The following TMEM268 variants were observed in gnomAD, a reference collection of about 807,000 sequenced individuals.
TMEM268 encodes the protein transmembrane protein 268.
TMEM268 carries 24 observed loss-of-function variants against 39.1 expected under a neutral mutation model. The observed-to-expected ratio is 0.61, with a 90% CI of 0.44 to 0.86. The LOEUF is 0.86. TMEM268 is among the 40% of genes least tolerant of loss of function. The pLI is 0.00. For synonymous variants in TMEM268, 176 were observed against 173.5 expected (o/e 1.01, Z -0.12); for missense variants, 409 against 428.6 (o/e 0.95, Z 0.40).
rs771217580 is a variant in TMEM268, at chr9:114,643,229, G to T, written c.945G>T (p.Thr315=). 6.2e-7 allele frequency: 1 copy of T among 1,614,108 alleles called. No individual in the cohort carries two copies. Among genetic ancestry groups the T allele is most frequent in the South Asian group, 1.1e-5 (1 of 91,074 alleles). The change falls in exon 9 of 9, where the codon ACG becomes ACT. Residue 315 remains threonine (T), a synonymous_variant. Transcript: ENST00000288502. ...CTCAGGCAATGGGGACACGACACACGAACTCTCCGAGAATTCCATGCCCCT... is the reference window on the plus strand; with the variant it reads ...CTCAGGCAATGGGGACACGACACACTAACTCTCCGAGAATTCCATGCCCCT... ...QLPQAMGTRH[T]NSPRIPCPCQ... is the part of the protein sequence containing the mutation.
At chr9:114,612,513 A>T (rs191882603) in intron 1 of TMEM268, among the ~76,000 whole-genome samples, 14 of 152,346 alleles carry the variant, frequency 9.2e-5, no homozygotes, top group Non-Finnish European at 1.6e-4. Flanking sequence ...GGGGTTCAGG[A>T]CATATGATAG....
At chr9:114,622,363 T>C (rs1845978583) in intron 2 of TMEM268, 3 of 985,342 alleles carry the variant, frequency 3.0e-6, no homozygotes, top group Non-Finnish European at 3.6e-6. Flanking sequence ...AAACCTGGGA[T>C]CCTAGAATCC....
At chr9:114,641,805 T>G (rs1033003694) in intron 8 of TMEM268, among the ~76,000 whole-genome samples, 10 of 152,036 alleles carry the variant, frequency 6.6e-5, no homozygotes, top group African/African-American at 2.4e-4. Flanking sequence ...CTGGCTAAAT[T>G]TTTTTTGTGT....
intron 7 of TMEM268, among the ~76,000 whole-genome samples, chr9:114,638,102 C>T (rs1315255307): frequency 3.3e-5 from 5 of 152,222 alleles, no homozygotes; most frequent in South Asian, 4.2e-4. Context: ...AGTGCAGTGG[C>T]GCCATCTTGA....
intron 1 of TMEM268, among the ~76,000 whole-genome samples, chr9:114,615,266 G>A (rs1273740981): frequency 6.6e-6 from 1 of 152,122 alleles, no homozygotes; most frequent in Non-Finnish European, 1.5e-5. Flanking sequence ...CTGGCTGTAG[G>A]GGCTTTGGAG....
chr9:114,623,090 CAAA>C (rs1022113216), intron 2 of TMEM268, among the ~76,000 whole-genome samples: 14 of 149,894 alleles, frequency 9.3e-5, no homozygotes, highest in Non-Finnish European at 1.5e-5. Context: ...ACTCTGTCTC[CAAA>C]AAACAACAAC....
chr9:114,642,790 T>TA (rs1827413062), intron 8 of TMEM268, among the ~76,000 whole-genome samples: 1 of 152,126 alleles, frequency 6.6e-6, no homozygotes, highest in Non-Finnish European at 1.5e-5. Context: ...CAGCTAGGCT[T>TA]AAAAAATTAG....
At chr9:114,639,877 GC>G (rs1243251736) in intron 8 of TMEM268, among the ~76,000 whole-genome samples, 1 of 150,278 alleles carries the variant, frequency 6.7e-6, no homozygotes, top group Non-Finnish European at 1.5e-5. Context: ...GAGCCACCAT[GC>G]CCGGCCTCTA....
rs1827541552 is a variant in TMEM268 at position 114,645,545 on chromosome 9, A to C, written c.*2232A>C. 1 of 152,404 alleles carries C rather than the reference A, an allele frequency of 6.6e-6. No individual in the cohort carries two copies. Among genetic ancestry groups the C allele is most frequent in the African/African-American group, 2.4e-5 (1 of 41,470 alleles). 9.4% of individuals were successfully genotyped at this position (152,404 alleles called of 1,614,324 possible). A position where few individuals can be genotyped will look rare whatever the true frequency, so the allele number is the denominator to read the frequency against. ...CTTTGCTCAAGGAAATTATTCACGA[A>C]GGTGACCACTGTCTTTCTGACCTGG... On this transcript the variant is annotated 3_prime_UTR_variant, in exon 9 of 9. Transcript: ENST00000288502.
At chr9:114,604,287 C>T in the TMEM268 span, among the ~76,000 whole-genome samples, 1 of 151,994 alleles carries the variant, frequency 6.6e-6, no homozygotes, top group Admixed American at 6.6e-5. Context: ...CAGAGGATGC[C>T]CTGATAAAAG....
intron 6 of TMEM268, 79 bp downstream of exon 6, chr9:114,633,957 C>T (rs3810935): frequency 0.19 from 147,167 of 765,416 alleles, 15,203 homozygotes; most frequent in African/African-American, 0.29. Context: ...CTCATGTTCT[C>T]CCAGCCTACA....
chr9:114,629,972 C>T (rs1286199965), intron 5 of TMEM268, among the ~76,000 whole-genome samples: 2 of 152,190 alleles, frequency 1.3e-5, no homozygotes, highest in African/African-American at 4.8e-5. Context: ...GCTACTCCTG[C>T]AGCAAGAACT....
intron 8 of TMEM268, among the ~76,000 whole-genome samples, 193 bp downstream of exon 8, chr9:114,638,919 A>C (rs1031407838): frequency 6.6e-6 from 1 of 152,182 alleles, no homozygotes; most frequent in Admixed American, 6.5e-5. Context: ...AACAGGAAGC[A>C]TTTTATATTT....
At chr9:114,605,167 A>G in the TMEM268 span, among the ~76,000 whole-genome samples, 1 of 152,214 alleles carries the variant, frequency 6.6e-6, no homozygotes, top group African/African-American at 2.4e-5. Flanking sequence ...CGCTTTGATC[A>G]GTCTTGCGTG....
upstream of TMEM268, chr9:114,611,255 G>C (rs1845469769): frequency 6.6e-6 from 1 of 152,222 alleles, no homozygotes; most frequent in Non-Finnish European, 1.5e-5. Flanking sequence ...GCTCCGCGCG[G>C]AGGCTCCTTC....
At chr9:114,621,548 G>A (rs189745535) in intron 2 of TMEM268, among the ~76,000 whole-genome samples, 129 of 152,222 alleles carry the variant, frequency 8.5e-4, no homozygotes, top group African/African-American at 3.0e-3. Flanking sequence ...TGCATACATA[G>A]GTATTTAGCT....
chr9:114,628,673 C>T (rs542919633), intron 5 of TMEM268, among the ~76,000 whole-genome samples: 15 of 152,272 alleles, frequency 9.9e-5, no homozygotes, highest in East Asian at 1.9e-4. Flanking sequence ...CCTCCTGTGA[C>T]GGGCAGATGC....
chr9:114,625,509 A>G lies in TMEM268; in HGVS notation c.216+1050A>G, dbSNP rs533759667. On this transcript the variant is annotated intron_variant, in intron 3 of 8. Transcript: ENST00000288502. ...GCCCAGGCTGGAGTGCAGTGGCGCAATCTGGGCTCACTGCAACCTGTGCTT... is the reference window on the plus strand; with the variant it reads ...GCCCAGGCTGGAGTGCAGTGGCGCAGTCTGGGCTCACTGCAACCTGTGCTT... Among the ~76,000 whole-genome samples, 4 of 148,290 alleles carry G rather than the reference A, an allele frequency of 2.7e-5. 1 individual carries two copies. In the East Asian group the frequency reaches 7.9e-4, roughly 29 times the overall value.
At chr9:114,622,653 G>A (rs1483314847) in intron 2 of TMEM268, among the ~76,000 whole-genome samples, 4 of 151,868 alleles carry the variant, frequency 2.6e-5, no homozygotes, top group East Asian at 3.9e-4. Context: ...GGGTTGATGC[G>A]TGTTTTTTGA....
Sources: gnomAD v4.1 joint callset for allele counts (sites outside exome capture counted in the v4.1 genomes callset) on GRCh38, gnomAD v4.1.1 for gene constraint, MANE v1.5 for transcripts, NCBI Gene and HGNC (gene_info 2026-07-23, HGNC 2026-07-21) for gene names.